Variants in PTPRA observed in about 807,000 individuals in gnomAD.
The protein encoded by PTPRA is receptor-type tyrosine-protein phosphatase alpha.
Under a neutral mutation model 104.8 loss-of-function variants are expected in PTPRA, and 25 were observed. The ratio of observed to expected loss-of-function variants is 0.24; its 90% CI spans 0.17 to 0.33. PTPRA has a LOEUF of 0.33. PTPRA is among the 10% of genes least tolerant of loss of function. The pLI is 1.00. For missense variants in PTPRA, 765 were observed against 1,015.3 expected (o/e 0.75, Z 3.35); for synonymous variants, 323 against 368.9 (o/e 0.88, Z 1.43).
chr20:2,987,783 T>G, intron 7 of PTPRA: 26 of 553,888 alleles, frequency 4.7e-5, no homozygotes, highest in East Asian at 7.1e-5. Flanking sequence ...GTGAGCCACA[T>G]GAGCCTGAAT....
At chr20:2,912,524 T>C (rs1362505010) in intron 1 of PTPRA, among the ~76,000 whole-genome samples, 1 of 151,950 alleles carries the variant, frequency 6.6e-6, no homozygotes, top group Non-Finnish European at 1.5e-5. Flanking sequence ...CTTTGCAGGC[T>C]GAGGCAGGAG....
intron 9 of PTPRA, among the ~76,000 whole-genome samples, chr20:2,992,653 G>A (rs2063229061): frequency 6.7e-6 from 1 of 150,234 alleles, no homozygotes; most frequent in Non-Finnish European, 1.5e-5. Flanking sequence ...TTACCAATAG[G>A]ATCATGGTCT....
intron 1 of PTPRA, among the ~76,000 whole-genome samples, chr20:2,890,378 T>A (rs1269189476): frequency 1.3e-5 from 2 of 152,224 alleles, no homozygotes; most frequent in Non-Finnish European, 2.9e-5. Context: ...AGTTAGCTCT[T>A]CTGAGACTCA....
At chr20:2,989,840 A>T (rs1247988345) in intron 9 of PTPRA, among the ~76,000 whole-genome samples, 1 of 151,886 alleles carries the variant, frequency 6.6e-6, no homozygotes, top group Non-Finnish European at 1.5e-5. Context: ...ACACAGTGAA[A>T]CCCTGTCTCT....
chr20:2,964,855 T>C lies in PTPRA; in HGVS notation c.74-6T>C. ...GTGCTATTTCCTTGTTTTTTGGTGT[T>C]TGTAGTTGCACCTTCTGTAGGAATT... is the stretch of plus-strand genomic sequence containing the variant. On this transcript the variant is annotated splice_polypyrimidine_tract_variant and splice_region_variant and intron_variant, in intron 4 of 23. Coordinates refer to ENST00000399903, the MANE Select transcript of PTPRA (RefSeq NM_001385305.1). 2 of 1,606,364 alleles carry C rather than the reference T, an allele frequency of 1.2e-6. No homozygotes were observed. Among genetic ancestry groups the C allele is most frequent in the Non-Finnish European group, 1.7e-6 (2 of 1,173,968 alleles).
intron 1 of PTPRA, among the ~76,000 whole-genome samples, chr20:2,890,128 C>T (rs1283135518): frequency 6.6e-6 from 1 of 151,038 alleles, no homozygotes; most frequent in Non-Finnish European, 1.5e-5. Flanking sequence ...AATTCCTGGC[C>T]TCAAACAGTC....
chr20:3,019,947 GCCTGCAATCGCAGGCACT>G (rs1279185900), intron 13 of PTPRA, among the ~76,000 whole-genome samples: 1 of 151,904 alleles, frequency 6.6e-6, no homozygotes, highest in Middle Eastern at 3.2e-3. Context: ...GGCGGCGCGC[GCCTGCAATCGCAGGCACT>G]CGGCAGGCTG....
intron 1 of PTPRA, among the ~76,000 whole-genome samples, chr20:2,906,582 A>G (rs2059435251): frequency 6.6e-6 from 1 of 152,242 alleles, no homozygotes; most frequent in South Asian, 2.1e-4. Flanking sequence ...ATACAGGTAT[A>G]CTAATGAGAA....
chr20:2,937,682 T>C (rs1438058133), intron 2 of PTPRA, among the ~76,000 whole-genome samples: 2 of 152,106 alleles, frequency 1.3e-5, no homozygotes, highest in African/African-American at 4.8e-5. Flanking sequence ...CTATTTGAGG[T>C]TTTCTTCTGT....
chr20:2,890,282 C>A (rs903421956), intron 1 of PTPRA, among the ~76,000 whole-genome samples: 1 of 151,982 alleles, frequency 6.6e-6, no homozygotes, highest in Non-Finnish European at 1.5e-5. Context: ...CCTTGTCAGG[C>A]CCTACAGTTA....
rs763235190 is a variant in PTPRA, at chr20:3,008,728, T to TAAAA, written c.906+1321_906+1324dup. Among the ~76,000 whole-genome samples, 37 of 63,668 alleles carry TAAAA rather than the reference T, an allele frequency of 5.8e-4. 1 individual carries two copies. The highest frequency in any genetic ancestry group is 3.6e-3 in the East Asian group (7 of 1,964). 41.8% of individuals were successfully genotyped at this position (63,668 alleles called of 152,430 possible). A position where few individuals can be genotyped will look rare whatever the true frequency, so the allele number is the denominator to read the frequency against. The stretch of plus-strand genomic sequence containing the variant: ...CAAGATGGTGAAACCTCATCTCTAC[T>TAAAA]AAAAAAAAAAAAAAAACAAAAAAAA... On this transcript the variant is annotated intron_variant, in intron 11 of 23. Coordinates refer to ENST00000399903, the MANE Select transcript of PTPRA (RefSeq NM_001385305.1).
intron 2 of PTPRA, among the ~76,000 whole-genome samples, chr20:2,939,420 G>T (rs1034630001): frequency 2.0e-5 from 3 of 152,098 alleles, no homozygotes; most frequent in Non-Finnish European, 4.4e-5. Flanking sequence ...ACCTCATTAT[G>T]GCAGAGTTGT....
intron 1 of PTPRA, among the ~76,000 whole-genome samples, chr20:2,880,024 A>G (rs748160775): frequency 7.9e-5 from 12 of 152,202 alleles, no homozygotes; most frequent in Non-Finnish European, 1.2e-4. Flanking sequence ...ACTAGAGACT[A>G]AGGACAGTGT....
rs781012795 is a variant in PTPRA, at chr20:2,988,509, G to A, written c.738+35G>A. On this transcript the variant is annotated intron_variant, in intron 9 of 23. Transcript: ENST00000399903. ...TTGTTGAGGCTGGTGTATCAGCAGGGAAGAAGGCAGACCTAAAGTCAGACC... is the reference window on the plus strand; with the variant it reads ...TTGTTGAGGCTGGTGTATCAGCAGGAAAGAAGGCAGACCTAAAGTCAGACC... The A allele has an allele frequency of 1.9e-6, 3 of 1,602,472 alleles. No homozygotes were observed. In the African/African-American group the frequency reaches 4.0e-5, roughly 22 times the overall value.
intron 8 of PTPRA, 86 bp downstream of exon 8, chr20:2,988,191 A>C (rs2062988603): frequency 6.6e-7 from 1 of 1,513,528 alleles, no homozygotes; most frequent in African/African-American, 1.4e-5. Context: ...TAAAAGAATA[A>C]GACAATAAAA....
chr20:2,877,538 C>T (rs2089800358), intron 1 of PTPRA, among the ~76,000 whole-genome samples: 1 of 152,204 alleles, frequency 6.6e-6, no homozygotes, highest in Non-Finnish European at 1.5e-5. Flanking sequence ...GGATTACAAG[C>T]ATGAGCCACC....
intron 13 of PTPRA, among the ~76,000 whole-genome samples, chr20:3,019,042 A>ACCTC (rs1382839623): frequency 4.2e-5 from 3 of 72,152 alleles, no homozygotes; most frequent in African/African-American, 5.6e-5. Flanking sequence ...TGACCCCCCC[A>ACCTC]CCTCCCGGAC....
chr20:3,004,254 G>A lies in PTPRA; in HGVS notation c.739-802G>A, dbSNP rs969718844. Among the ~76,000 whole-genome samples, 31 of 152,238 alleles carry A rather than the reference G, an allele frequency of 2.0e-4. 1 individual carries two copies. The highest frequency in any genetic ancestry group is 1.7e-3 in the South Asian group (8 of 4,828). On this transcript the variant is annotated intron_variant, in intron 9 of 23. Transcript: ENST00000399903. ...GCTGGTCTCGAACTCCTGACCTCAGGTGATCCACCCGCCTCAGCCTCCCAA... is the reference window on the plus strand; with the variant it reads ...GCTGGTCTCGAACTCCTGACCTCAGATGATCCACCCGCCTCAGCCTCCCAA...
At position 3,037,778 on chromosome 20, in the gene PTPRA, T is replaced by A. The variant is rs1307353874; in HGVS notation, c.2335-281T>A. On this transcript the variant is annotated intron_variant, in intron 23 of 23. Coordinates refer to ENST00000399903, the MANE Select transcript of PTPRA (RefSeq NM_001385305.1). The surrounding 1 kb of genome is among the most constrained non-coding windows in gnomAD (Gnocchi z 4.3). ...TGGCAGCCATGGTAAGCGTGGGCCATGCTCAGCTGCACTGTCTCCCAGCCC... is the reference window on the plus strand; with the variant it reads ...TGGCAGCCATGGTAAGCGTGGGCCAAGCTCAGCTGCACTGTCTCCCAGCCC... Among the ~76,000 whole-genome samples the A allele has an allele frequency of 6.6e-6, 1 of 152,198 alleles. No homozygotes were observed. The highest frequency in any genetic ancestry group is 1.9e-4 in the East Asian group (1 of 5,200).
Sources: gnomAD v4.1 joint callset for allele counts (sites outside exome capture counted in the v4.1 genomes callset) on GRCh38, gnomAD v4.1.1 for gene constraint, Gnocchi (gnomAD v3.1) non-coding constraint, MANE v1.5 for transcripts, NCBI Gene and HGNC (gene_info 2026-07-23, HGNC 2026-07-21) for gene names.